Variants in ROBO1 observed in about 807,000 individuals in gnomAD.
ROBO1 encodes the protein roundabout guidance receptor 1, also known as roundabout homolog 1.
ROBO1 carries 149 observed loss-of-function variants against 195.9 expected under a neutral mutation model. That is an observed-to-expected ratio of 0.76 (90% CI 0.67 to 0.87). The LOEUF is 0.87. Among genes scored for constraint, ROBO1 ranks in the 40% least tolerant of loss-of-function variants. The probability of loss-of-function intolerance (pLI) is 0.00; values close to 1 mark genes in which losing one functional copy is unlikely to be tolerated. For missense variants in ROBO1, 1,933 were observed against 2,068.3 expected, an observed-to-expected ratio of 0.93 and a Z score of 1.27; for synonymous variants, 816 against 733.2, an observed-to-expected ratio of 1.11 and a Z score of -1.82.
intron 2 of ROBO1, among the ~76,000 whole-genome samples, chr3:79,148,393 T>C (rs946353235): frequency 9.2e-5 from 14 of 151,790 alleles, no homozygotes; most frequent in Non-Finnish European, 1.8e-4. Flanking sequence ...AGGAGGCTGA[T>C]GGGTCTCCTG....
intron 29 of ROBO1, among the ~76,000 whole-genome samples, chr3:78,605,696 T>G (rs932529687): frequency 2.0e-5 from 3 of 152,232 alleles, no homozygotes; most frequent in Non-Finnish European, 2.9e-5. Flanking sequence ...TTGTTGGCAT[T>G]TTAATCCATT....
intron 2 of ROBO1, among the ~76,000 whole-genome samples, chr3:79,534,522 A>G (rs919997935): frequency 6.6e-6 from 1 of 152,174 alleles, no homozygotes. Context: ...CAATTCTCAG[A>G]CAAAGCCTGA....
chr3:78,807,965 A>G (rs1219078054), intron 4 of ROBO1, among the ~76,000 whole-genome samples: 2 of 152,194 alleles, frequency 1.3e-5, no homozygotes, highest in African/African-American at 4.8e-5. Context: ...TCTGTCACAT[A>G]ACAGTGATAG....
At chr3:78,682,635 A>T (rs2080949723) in intron 10 of ROBO1, among the ~76,000 whole-genome samples, 1 of 147,722 alleles carries the variant, frequency 6.8e-6, no homozygotes, top group South Asian at 2.1e-4. Context: ...GATATATAAT[A>T]AATATTTTTT....
At chr3:79,673,626 C>A (rs1421567323) in intron 1 of ROBO1, among the ~76,000 whole-genome samples, 2 of 151,918 alleles carry the variant, frequency 1.3e-5, no homozygotes, top group East Asian at 3.9e-4. Flanking sequence ...GGCTGTGTTT[C>A]TAGAAATTAT....
In ROBO1 at chr3:79,497,130, CTT is replaced by C. The variant is rs1173411938; in HGVS notation, c.88+92692_88+92693del. Reference sequence around the variant, plus strand: ...GTTAGGGTGATGTTGCTTGGAAAGACTTAAAGAAAATGGCGATGCTGCAAGTT... The same window carrying C: ...GTTAGGGTGATGTTGCTTGGAAAGACAAAGAAAATGGCGATGCTGCAAGTT... On this transcript the variant is annotated intron_variant, in intron 2 of 30. Transcript: ENST00000464233. 2.0e-5 allele frequency among the ~76,000 whole-genome samples: 3 copies of C among 152,134 alleles called. No homozygotes were observed. The East Asian group carries it at 5.8e-4, about 29-fold the overall frequency.
intron 2 of ROBO1, among the ~76,000 whole-genome samples, chr3:79,422,120 T>C (rs1003924230): frequency 6.7e-6 from 1 of 148,308 alleles, no homozygotes; most frequent in Admixed American, 6.8e-5. Flanking sequence ...ATATATTTTA[T>C]GCATATTATA....
chr3:79,142,327 T>C (rs2080545087), intron 2 of ROBO1, among the ~76,000 whole-genome samples: 1 of 152,112 alleles, frequency 6.6e-6, no homozygotes, highest in Admixed American at 6.6e-5. Context: ...TAATTACTGG[T>C]GGTCAACAGT....
At chr3:79,211,501 G>T (rs760180756) in intron 2 of ROBO1, among the ~76,000 whole-genome samples, 11 of 152,120 alleles carry the variant, frequency 7.2e-5, no homozygotes, top group Non-Finnish European at 1.6e-4. Flanking sequence ...TGTAGGGAAA[G>T]GTGACTATAA....
intron 2 of ROBO1, among the ~76,000 whole-genome samples, chr3:79,556,323 T>C (rs1315985773): frequency 6.6e-6 from 1 of 152,118 alleles, no homozygotes; most frequent in Non-Finnish European, 1.5e-5. Context: ...AATAAAAATG[T>C]GTATCTGATA....
At chr3:78,747,774 T>G (rs2082692601) in intron 4 of ROBO1, among the ~76,000 whole-genome samples, 1 of 152,190 alleles carries the variant, frequency 6.6e-6, no homozygotes, top group Admixed American at 6.5e-5. Context: ...CTGTTAGAAT[T>G]AAATGTGGAA....
chr3:79,585,029 G>A (rs1943785280), intron 2 of ROBO1, among the ~76,000 whole-genome samples: 1 of 151,624 alleles, frequency 6.6e-6, no homozygotes, highest in Non-Finnish European at 1.5e-5. Flanking sequence ...ATGTGTAAAG[G>A]TAAGTTTTTG....
At chr3:78,804,732 CAAAAAAAA>C (rs10576248) in intron 4 of ROBO1, among the ~76,000 whole-genome samples, 7 of 93,178 alleles carry the variant, frequency 7.5e-5, no homozygotes, top group African/African-American at 1.6e-4. Context: ...GGAGCAAAGG[CAAAAAAAA>C]AAAAAAAAAA....
chr3:78,819,793 T>G (rs2030669174), intron 4 of ROBO1, among the ~76,000 whole-genome samples: 1 of 152,110 alleles, frequency 6.6e-6, no homozygotes, highest in African/African-American at 2.4e-5. Flanking sequence ...TTATGTCAGT[T>G]TTTCAGCTCT....
At chr3:79,376,713 T>C (rs1426069102) in intron 2 of ROBO1, among the ~76,000 whole-genome samples, 2 of 152,214 alleles carry the variant, frequency 1.3e-5, no homozygotes, top group African/African-American at 2.4e-5. Context: ...ATTAACCCTC[T>C]TTCCTTTATA....
intron 2 of ROBO1, among the ~76,000 whole-genome samples, chr3:79,525,896 C>T (rs951484873): frequency 1.3e-5 from 2 of 151,984 alleles, no homozygotes; most frequent in South Asian, 4.2e-4. Context: ...AGGCATGAGC[C>T]TCAGCGCCTG....
chr3:79,619,104 A>G (rs36165636), intron 1 of ROBO1, among the ~76,000 whole-genome samples: 13,160 of 81,354 alleles, frequency 0.16, 749 homozygotes, highest in Non-Finnish European at 0.19. Context: ...TGATCACTGC[A>G]GAGACACCTG....
chr3:79,125,110 T>C (rs1020777256), intron 3 of ROBO1, among the ~76,000 whole-genome samples: 3 of 152,024 alleles, frequency 2.0e-5, no homozygotes, highest in African/African-American at 7.2e-5. Context: ...TTGCAGGTAG[T>C]GTTTTTTTCC....
chr3:79,483,701 G>A (rs915744028), intron 2 of ROBO1, among the ~76,000 whole-genome samples: 27 of 152,158 alleles, frequency 1.8e-4, no homozygotes, highest in Admixed American at 1.1e-3. Flanking sequence ...CAGGAAAATT[G>A]TGATATTATG....
Sources: allele counts gnomAD v4.1 joint callset (sites outside exome capture counted in the v4.1 genomes callset), GRCh38; gene constraint gnomAD v4.1.1; transcripts MANE v1.5; gene names NCBI Gene and HGNC (gene_info 2026-07-23, HGNC 2026-07-21).